PCDH9: variants seen among roughly 807,000 people sequenced by gnomAD.
PCDH9 encodes the protein protocadherin 9.
A neutral mutation model predicts 70.6 loss-of-function variants in PCDH9; 24 were observed. The observed-to-expected ratio is 0.34, with a 90% CI of 0.25 to 0.48. PCDH9 has a LOEUF of 0.48. Ranked by LOEUF, PCDH9 falls within the 20% of genes least tolerant of loss-of-function variation. The pLI, the probability that PCDH9 is intolerant of heterozygous loss-of-function variation, is 0.99. For synonymous variants in PCDH9, 562 were observed against 558.5 expected (o/e 1.01, Z -0.09); for missense variants, 1,281 against 1,503.6 (o/e 0.85, Z 2.45).
At chr13:67,123,535 C>T (rs1187963668) in intron 2 of PCDH9, among the ~76,000 whole-genome samples, 1 of 152,130 alleles carries the variant, frequency 6.6e-6, no homozygotes, top group Non-Finnish European at 1.5e-5. Flanking sequence ...TTCTTTTACT[C>T]AGATATATGT....
chr13:66,414,802 T>TC (rs1208643636), intron 4 of PCDH9, among the ~76,000 whole-genome samples: 9 of 152,186 alleles, frequency 5.9e-5, no homozygotes, highest in Non-Finnish European at 1.2e-4. Context: ...GTCATACTTT[T>TC]TATTTTGCCC....
intron 2 of PCDH9, among the ~76,000 whole-genome samples, chr13:67,014,120 T>A (rs1039771781): frequency 6.6e-6 from 1 of 152,086 alleles, no homozygotes; most frequent in Non-Finnish European, 1.5e-5. Flanking sequence ...TCTAGGCAAT[T>A]TATTTGTCCC....
intron 3 of PCDH9, among the ~76,000 whole-genome samples, chr13:66,726,290 T>C (rs1315141993): frequency 1.3e-5 from 2 of 152,072 alleles, no homozygotes; most frequent in East Asian, 3.9e-4. Context: ...AGAGTTGTAA[T>C]AGGGAGGAAG....
intron 2 of PCDH9, among the ~76,000 whole-genome samples, chr13:67,048,340 G>T (rs2085262168): frequency 1.3e-5 from 2 of 152,086 alleles, no homozygotes; most frequent in Non-Finnish European, 2.9e-5. Flanking sequence ...TTCCAGGAAG[G>T]TACAGTAAAT....
intron 3 of PCDH9, among the ~76,000 whole-genome samples, chr13:66,770,847 A>G (rs1318025899): frequency 1.3e-5 from 2 of 152,188 alleles, no homozygotes; most frequent in Non-Finnish European, 2.9e-5. Flanking sequence ...CGAGAGAAGC[A>G]TTTCAAAAAC....
At chr13:66,425,107 C>A in intron 4 of PCDH9, among the ~76,000 whole-genome samples, 1 of 151,796 alleles carries the variant, frequency 6.6e-6, no homozygotes, top group East Asian at 1.9e-4. Context: ...TTATGTTCAT[C>A]ATTTTATGAC....
intron 3 of PCDH9, among the ~76,000 whole-genome samples, chr13:66,832,197 A>C (rs1036620215): frequency 1.6e-4 from 25 of 152,296 alleles, no homozygotes; most frequent in Middle Eastern, 3.4e-3. Flanking sequence ...TTATAAATAA[A>C]AATTGCATAG....
chr13:66,423,183 A>C (rs1957600317), intron 4 of PCDH9, among the ~76,000 whole-genome samples: 1 of 152,116 alleles, frequency 6.6e-6, no homozygotes, highest in African/African-American at 2.4e-5. Context: ...ACCAACCAAA[A>C]AAAGCCCAGA....
intron 2 of PCDH9, among the ~76,000 whole-genome samples, chr13:66,968,616 C>T (rs556314062): frequency 1.4e-4 from 22 of 152,054 alleles, no homozygotes; most frequent in South Asian, 8.3e-4. Context: ...TTCTGTTAAT[C>T]GGCTAATACA....
chr13:67,173,183 A>G (rs2088345295), intron 2 of PCDH9, among the ~76,000 whole-genome samples: 1 of 152,138 alleles, frequency 6.6e-6, no homozygotes, highest in Non-Finnish European at 1.5e-5. Flanking sequence ...AAAATAAAGC[A>G]AGAGGAGGGA....
intron 3 of PCDH9, among the ~76,000 whole-genome samples, chr13:66,893,849 AC>A (rs930354653): frequency 2.6e-5 from 4 of 152,012 alleles, no homozygotes; most frequent in Non-Finnish European, 4.4e-5. Context: ...ATTCTATACA[AC>A]CTATTCTATT....
chr13:66,855,750 A>ATAATG (rs918440300), intron 3 of PCDH9, among the ~76,000 whole-genome samples: 3 of 152,016 alleles, frequency 2.0e-5, no homozygotes, highest in Non-Finnish European at 4.4e-5. Flanking sequence ...AAACCCTTGG[A>ATAATG]TAATGTACTG....
At chr13:67,022,464 C>T (rs2084697757) in intron 2 of PCDH9, among the ~76,000 whole-genome samples, 2 of 152,042 alleles carry the variant, frequency 1.3e-5, no homozygotes, top group African/African-American at 4.8e-5. Context: ...GAATCAAAAC[C>T]ACAGAAGATT....
intron 2 of PCDH9, among the ~76,000 whole-genome samples, chr13:67,141,303 T>C (rs1785042389): frequency 6.6e-6 from 1 of 151,876 alleles, no homozygotes; most frequent in Non-Finnish European, 1.5e-5. Flanking sequence ...GAAAGGGAAA[T>C]GGGGCCGAGT....
intron 4 of PCDH9, among the ~76,000 whole-genome samples, chr13:66,609,576 T>A (rs2077265273): frequency 6.6e-6 from 1 of 152,108 alleles, no homozygotes; most frequent in African/African-American, 2.4e-5. Flanking sequence ...TATATATGCA[T>A]TTGGCATATA....
intron 4 of PCDH9, among the ~76,000 whole-genome samples, chr13:66,597,500 A>C (rs1318649246): frequency 6.6e-6 from 1 of 151,820 alleles, no homozygotes; most frequent in Non-Finnish European, 1.5e-5. Context: ...CCTTCAACAA[A>C]TGGTGCTGGG....
intron 3 of PCDH9, among the ~76,000 whole-genome samples, chr13:66,819,705 C>A (rs896773686): frequency 2.0e-5 from 3 of 152,074 alleles, no homozygotes; most frequent in Non-Finnish European, 4.4e-5. Flanking sequence ...GTCTGGGCAA[C>A]AGAGTGAGAC....
chr13:66,796,894 G>A (rs1450290783), intron 3 of PCDH9, among the ~76,000 whole-genome samples: 3 of 152,088 alleles, frequency 2.0e-5, no homozygotes, highest in Non-Finnish European at 2.9e-5. Context: ...TAAAAAAGAA[G>A]TAAATTTTGA....
rs78680164 is a variant in PCDH9 at position 66,775,699 on chromosome 13, C to T, written c.3138+127805G>A. Reference sequence around the variant, plus strand: ...CTTTATATTGTAGGAATACATATAACGTACACAATATGTGTTAATTAAATT... The same window carrying T: ...CTTTATATTGTAGGAATACATATAATGTACACAATATGTGTTAATTAAATT... On this transcript the variant is annotated intron_variant, in intron 3 of 4. Coordinates refer to ENST00000377865, the MANE Select transcript of PCDH9 (RefSeq NM_203487.3). 5.4e-4 allele frequency among the ~76,000 whole-genome samples: 82 copies of T among 152,250 alleles called. No homozygotes were observed. In the East Asian group the frequency reaches 0.013, roughly 25 times the overall value.
Sources: gnomAD v4.1 joint callset for allele counts (sites outside exome capture counted in the v4.1 genomes callset) on GRCh38, gnomAD v4.1.1 for gene constraint, MANE v1.5 for transcripts, NCBI Gene and HGNC (gene_info 2026-07-23, HGNC 2026-07-21) for gene names.